The following EXOC4 variants were observed in gnomAD, a reference collection of about 807,000 sequenced individuals.
The protein encoded by EXOC4 is exocyst complex component 4.
EXOC4 carries 71 observed loss-of-function variants against 107.2 expected under a neutral mutation model. The ratio of observed to expected loss-of-function variants is 0.66; its 90% CI spans 0.55 to 0.81. The LOEUF (loss-of-function observed/expected upper bound fraction) is 0.81. Among genes scored for constraint, EXOC4 ranks in the 30% least tolerant of loss-of-function variants. The pLI is 0.00. For synonymous variants in EXOC4, 456 were observed against 441.2 expected (o/e 1.03, Z -0.42); for missense variants, 1,108 against 1,189.6 (o/e 0.93, Z 1.01).
intron 9 of EXOC4, among the ~76,000 whole-genome samples, chr7:133,484,488 T>C (rs184540085): frequency 5.3e-5 from 8 of 152,234 alleles, no homozygotes; most frequent in Admixed American, 1.3e-4. Flanking sequence ...GTTTAATGTA[T>C]AATTCTTCAG....
rs572946867 is a variant in EXOC4 at position 133,610,367 on chromosome 7, A to C, written c.1418-19678A>C. Among the ~76,000 whole-genome samples, 245 of 152,338 alleles carry C rather than the reference A, an allele frequency of 1.6e-3. 1 individual carries two copies. The highest frequency in any genetic ancestry group is 5.6e-3 in the African/African-American group (231 of 41,578). ...TTAGGAAAAACAAACAAAAGACTGAAGTTTCAGGGAAGAAACTGTCTCATA... is the reference window on the plus strand; with the variant it reads ...TTAGGAAAAACAAACAAAAGACTGACGTTTCAGGGAAGAAACTGTCTCATA... On this transcript the variant is annotated intron_variant, in intron 9 of 17. Coordinates refer to ENST00000253861, the MANE Select transcript of EXOC4 (RefSeq NM_021807.4).
intron 11 of EXOC4, among the ~76,000 whole-genome samples, chr7:133,853,111 A>AT (rs1293320131): frequency 6.6e-6 from 1 of 152,130 alleles, no homozygotes; most frequent in African/African-American, 2.4e-5. Flanking sequence ...AGTTAAGTGC[A>AT]TTTTGACTGT....
At chr7:133,683,692 G>A (rs558104969) in intron 10 of EXOC4, among the ~76,000 whole-genome samples, 26 of 152,130 alleles carry the variant, frequency 1.7e-4, no homozygotes, top group Admixed American at 2.6e-4. Flanking sequence ...ACCCCACATA[G>A]CACATTGTCT....
chr7:133,279,154 A>C (rs1794071157), intron 2 of EXOC4, among the ~76,000 whole-genome samples: 1 of 152,032 alleles, frequency 6.6e-6, no homozygotes, highest in African/African-American at 2.4e-5. Flanking sequence ...TGAACTCATC[A>C]TTTTTTATGG....
intron 5 of EXOC4, among the ~76,000 whole-genome samples, chr7:133,326,648 G>A (rs1795249243): frequency 6.6e-6 from 1 of 152,156 alleles, no homozygotes; most frequent in Non-Finnish European, 1.5e-5. Context: ...TAGGCTACTC[G>A]GGGGTCAGGG....
At chr7:133,403,954 C>G (rs1797150780) in intron 7 of EXOC4, among the ~76,000 whole-genome samples, 2 of 152,144 alleles carry the variant, frequency 1.3e-5, no homozygotes, top group Admixed American at 6.5e-5. Context: ...CTGTCTCTCT[C>G]TAAGACCACA....
At chr7:134,020,848 C>T (rs994321661) in intron 17 of EXOC4, among the ~76,000 whole-genome samples, 19 of 151,936 alleles carry the variant, frequency 1.3e-4, no homozygotes, top group African/African-American at 3.1e-4. Context: ...TAGCCAGGCA[C>T]GGTGGCAGGT....
intron 14 of EXOC4, among the ~76,000 whole-genome samples, chr7:133,984,450 A>G (rs1171018099): frequency 6.6e-6 from 1 of 152,230 alleles, no homozygotes; most frequent in African/African-American, 2.4e-5. Flanking sequence ...GAAACAGAAT[A>G]ATGTTCCAGG....
chr7:133,339,053 A>G (rs1795597912), intron 5 of EXOC4, among the ~76,000 whole-genome samples: 2 of 152,104 alleles, frequency 1.3e-5, no homozygotes, highest in Non-Finnish European at 1.5e-5. Context: ...TGCCCAGCCC[A>G]TTATATCATT....
At chr7:133,896,554 G>A (rs535832558) in intron 12 of EXOC4, among the ~76,000 whole-genome samples, 4 of 152,186 alleles carry the variant, frequency 2.6e-5, no homozygotes, top group Admixed American at 2.0e-4. Context: ...TTGCAGGTGA[G>A]GTATGTGCTG....
At chr7:133,778,451 G>T (rs1293864203) in intron 10 of EXOC4, among the ~76,000 whole-genome samples, 1 of 152,152 alleles carries the variant, frequency 6.6e-6, no homozygotes, top group African/African-American at 2.4e-5. Flanking sequence ...GCTGGGCTTG[G>T]CGTGTGCCTG....
intron 9 of EXOC4, among the ~76,000 whole-genome samples, chr7:133,569,866 A>T (rs900577963): frequency 2.0e-5 from 3 of 152,162 alleles, no homozygotes; most frequent in Admixed American, 2.0e-4. Flanking sequence ...TATTTTACAG[A>T]TTCTATATTT....
intron 10 of EXOC4, among the ~76,000 whole-genome samples, chr7:133,796,030 C>T (rs2551019): frequency 2.0e-5 from 3 of 152,014 alleles, no homozygotes; most frequent in Non-Finnish European, 2.9e-5. Flanking sequence ...CCTTTTATTT[C>T]TTTTTTCCTA....
At chr7:133,757,497 T>C (rs1196588673) in intron 10 of EXOC4, among the ~76,000 whole-genome samples, 1 of 152,220 alleles carries the variant, frequency 6.6e-6, no homozygotes, top group African/African-American at 2.4e-5. Flanking sequence ...GATTCTGAAG[T>C]CAAAACTACT....
chr7:133,599,544 A>C (rs183261679), intron 9 of EXOC4, among the ~76,000 whole-genome samples: 16 of 152,332 alleles, frequency 1.1e-4, no homozygotes, highest in Admixed American at 1.0e-3. Context: ...CATGTGATAT[A>C]CTTTGCTGAA....
chr7:133,273,353 G>T (rs1793918528), intron 1 of EXOC4, among the ~76,000 whole-genome samples: 1 of 152,200 alleles, frequency 6.6e-6, no homozygotes, highest in African/African-American at 2.4e-5. Flanking sequence ...TTCTCTACCT[G>T]CAAGAAACCT....
chr7:133,437,067 G>C lies in EXOC4; in HGVS notation c.1183-38261G>C, dbSNP rs118100329. 9.8e-3 allele frequency among the ~76,000 whole-genome samples: 1,490 copies of C among 152,146 alleles called. 9 individuals are homozygous for C. Among genetic ancestry groups the C allele is most frequent in the Middle Eastern group, 0.024 (7 of 294 alleles). On this transcript the variant is annotated intron_variant, in intron 7 of 17. Coordinates refer to ENST00000253861, the MANE Select transcript of EXOC4 (RefSeq NM_021807.4). ...AAGATATATTATGGTCATAGTAAAG[G>C]CTCATTTTAAAATTTTTTGATTTCT...
intron 10 of EXOC4, among the ~76,000 whole-genome samples, chr7:133,713,789 G>C (rs765542837): frequency 6.6e-6 from 1 of 152,080 alleles, no homozygotes; most frequent in African/African-American, 2.4e-5. Context: ...TGTGAAGAAG[G>C]TGCCTTGCTT....
chr7:133,726,500 A>G lies in EXOC4; in HGVS notation c.1515-90825A>G, dbSNP rs567092417. On this transcript the variant is annotated intron_variant, in intron 10 of 17. Coordinates refer to ENST00000253861, the MANE Select transcript of EXOC4 (RefSeq NM_021807.4). ...GGCCTTTAATGGCTCCCCATTGCCA[A>G]CTCCTTGACCAGGAATTTGTATTTT... 2.0e-5 allele frequency among the ~76,000 whole-genome samples: 3 copies of G among 152,170 alleles called. No homozygotes were observed. In the East Asian group the frequency reaches 5.8e-4, roughly 29 times the overall value.
Sources: allele counts gnomAD v4.1 joint callset (sites outside exome capture counted in the v4.1 genomes callset), GRCh38; gene constraint gnomAD v4.1.1; transcripts MANE v1.5; gene names NCBI Gene and HGNC (gene_info 2026-07-23, HGNC 2026-07-21).